The following BTAF1 variants were observed in gnomAD, a reference collection of about 807,000 sequenced individuals.
BTAF1 encodes the protein B-TFIID TATA-box binding protein associated factor 1, also known as TATA-binding protein-associated factor 172.
Under a neutral mutation model 227.1 loss-of-function variants are expected in BTAF1, and 38 were observed. The observed-to-expected ratio is 0.17, with a 90% CI of 0.13 to 0.22. BTAF1 has a LOEUF of 0.22. Ranked by LOEUF, BTAF1 falls within the 10% of genes least tolerant of loss-of-function variation. The probability of loss-of-function intolerance (pLI) is 1.00; values close to 1 mark genes in which losing one functional copy is unlikely to be tolerated. For synonymous variants in BTAF1, 742 were observed against 751.9 expected (o/e 0.99, Z 0.21); for missense variants, 1,598 against 2,204.0 (o/e 0.73, Z 5.51).
At chr10:91,969,040 A>AT (rs77465388) in intron 14 of BTAF1, among the ~76,000 whole-genome samples, 1,595 of 130,462 alleles carry the variant, frequency 0.012, 13 homozygotes, top group African/African-American at 0.029. Context: ...AAAAAAAAAA[A>AT]TTTTTTTTTT....
chr10:92,007,973 T>A, intron 25 of BTAF1, 150 bp from the exon 26 acceptor site: 1 of 677,840 alleles, frequency 1.5e-6, no homozygotes, highest in Non-Finnish European at 2.4e-6. Context: ...GCACCTTTAA[T>A]GCTTGTCAAT....
At chr10:92,013,251 A>T (rs1850493094) in intron 30 of BTAF1, among the ~76,000 whole-genome samples, 1 of 152,178 alleles carries the variant, frequency 6.6e-6, no homozygotes, top group African/African-American at 2.4e-5. Flanking sequence ...ATAAATACTG[A>T]GTGGGCTTGA....
chr10:92,025,619 C>G (rs550527972), intron 35 of BTAF1, among the ~76,000 whole-genome samples: 33 of 151,866 alleles, frequency 2.2e-4, no homozygotes, highest in African/African-American at 7.5e-4. Context: ...CCAGCCTGGC[C>G]AACATGGTGA....
intron 21 of BTAF1, among the ~76,000 whole-genome samples, chr10:91,992,551 G>A (rs1410330037): frequency 1.3e-5 from 2 of 152,282 alleles, no homozygotes; most frequent in South Asian, 4.1e-4. Flanking sequence ...AACTAATTCA[G>A]TCCTATAGCA....
At chr10:92,017,737 T>C (rs1385360182) in intron 33 of BTAF1, among the ~76,000 whole-genome samples, 1 of 152,078 alleles carries the variant, frequency 6.6e-6, no homozygotes, top group African/African-American at 2.4e-5. Flanking sequence ...TCTTGAACTT[T>C]TGGCCTCAAG....
Position 91,923,794 on chromosome 10 carries a change from C to T in BTAF1, c.-283C>T. ...CAGTTGTGCGTGCCGACGCCCGCGTCAGCAAAGAGCGGAGCTGAGGGTACC... is the reference window on the plus strand; with the variant it reads ...CAGTTGTGCGTGCCGACGCCCGCGTTAGCAAAGAGCGGAGCTGAGGGTACC... On this transcript the variant is annotated 5_prime_UTR_variant, in exon 1 of 38. Coordinates refer to ENST00000265990, the MANE Select transcript of BTAF1 (RefSeq NM_003972.3). 1 of 398,756 alleles carries T rather than the reference C, an allele frequency of 2.5e-6. No individual in the cohort carries two copies. Among genetic ancestry groups the T allele is most frequent in the Non-Finnish European group, 4.5e-6 (1 of 224,044 alleles). The allele number at this position is 398,756 out of a possible 1,614,324, so 24.7% of individuals were successfully genotyped here.
intron 37 of BTAF1, 136 bp from the exon 38 acceptor site, chr10:92,028,654 T>C: frequency 1.2e-6 from 1 of 816,256 alleles, no homozygotes; most frequent in Non-Finnish European, 1.9e-6. Flanking sequence ...TTGGAGATCA[T>C]GAATTTCCCC....
intron 25 of BTAF1, among the ~76,000 whole-genome samples, chr10:92,005,038 T>A (rs1275990413): frequency 6.6e-6 from 1 of 152,220 alleles, no homozygotes; most frequent in East Asian, 1.9e-4. Context: ...TGTCAAAGAT[T>A]AACTGTAAAT....
At chr10:92,024,442 T>C (rs1341136983) in intron 34 of BTAF1, among the ~76,000 whole-genome samples, 1 of 152,108 alleles carries the variant, frequency 6.6e-6, no homozygotes, top group Non-Finnish European at 1.5e-5. Flanking sequence ...CCTTGCACTT[T>C]GGGAGGCCGA....
chr10:91,948,174 A>G (rs1397310677), intron 4 of BTAF1, among the ~76,000 whole-genome samples: 1 of 131,320 alleles, frequency 7.6e-6, no homozygotes, highest in Non-Finnish European at 1.6e-5. Context: ...CCACCCCACG[A>G]CAGGCCCCGG....
intron 2 of BTAF1, among the ~76,000 whole-genome samples, chr10:91,935,992 A>G (rs559964418): frequency 3.9e-5 from 6 of 152,096 alleles, no homozygotes; most frequent in African/African-American, 1.4e-4. Context: ...CTGTGGCACA[A>G]ATTTGAATCT....
intron 24 of BTAF1, chr10:91,997,267 T>C (rs556305569): frequency 1.4e-6 from 1 of 731,424 alleles, no homozygotes; most frequent in South Asian, 1.6e-5. Flanking sequence ...TTACTTACAA[T>C]GTGACTTATT....
Position 92,013,750 on chromosome 10 carries a change from T to C in BTAF1, c.4395T>C (p.Tyr1465=). 1.9e-6 allele frequency: 3 copies of C among 1,614,098 alleles called. No homozygotes were observed. Among genetic ancestry groups the C allele is most frequent in the South Asian group, 1.1e-5 (1 of 91,086 alleles). The part of the protein sequence containing the change: ...LGTERQFAAR[Y]GKPILASRDA... ...CTGAACGCCAGTTTGCTGCTCGATA[T>C]GGTAAACCTATATTAGCAAGTAGGG... is the stretch of plus-strand genomic sequence containing the variant. The change falls in exon 31 of 38, where the codon TAT becomes TAC. Residue 1465 remains tyrosine, a synonymous_variant. Coordinates refer to ENST00000265990, the MANE Select transcript of BTAF1 (RefSeq NM_003972.3).
chr10:91,942,614 A>G (rs1845091407), intron 4 of BTAF1, 46 bp downstream of exon 4: 1 of 1,594,610 alleles, frequency 6.3e-7, no homozygotes, highest in Admixed American at 1.7e-5. Flanking sequence ...GTTTTTTCAG[A>G]CTAATTTGTC....
chr10:91,926,588 A>G (rs1589724512), intron 1 of BTAF1, among the ~76,000 whole-genome samples: 2 of 152,324 alleles, frequency 1.3e-5, no homozygotes, highest in Admixed American at 6.5e-5. Flanking sequence ...CTTTAGAGAG[A>G]CGCTTCCCTT....
At chr10:91,949,757 T>C in intron 4 of BTAF1, among the ~76,000 whole-genome samples, 1 of 152,196 alleles carries the variant, frequency 6.6e-6, no homozygotes, top group East Asian at 1.9e-4. Flanking sequence ...TCTGGCTCTC[T>C]TTCTTTTGGG....
In BTAF1 at chr10:92,008,923, G is replaced by A. The variant is rs1386225548; in HGVS notation, c.3908G>A (p.Cys1303Tyr). 6.2e-7 allele frequency: 1 copy of A among 1,613,748 alleles called. No individual in the cohort carries two copies. Among genetic ancestry groups the A allele is most frequent in the African/African-American group, 1.3e-5 (1 of 74,908 alleles). Residue 1303 changes from cysteine (C) to tyrosine (Y), a missense_variant, in exon 27 of 38, where the codon TGC (cysteine) becomes TAC (tyrosine). By Grantham distance (194) the Cys-to-Tyr change is radical. Around this residue, in one of 10 missense-constraint regions of BTAF1, gnomAD observed 184 missense variants for 341.1 expected, o/e 0.54. Transcript: ENST00000265990. ...TTAGGAAAAACTTTACAGTCCATCTGCATTCTAGCAGGAGATCATTGTCAT... is the reference window on the plus strand; with the variant it reads ...TTAGGAAAAACTTTACAGTCCATCTACATTCTAGCAGGAGATCATTGTCAT... Reference protein sequence around the residue: ...MGLGKTLQSICILAGDHCHRA... With the variant: ...MGLGKTLQSIYILAGDHCHRA...
intron 25 of BTAF1, among the ~76,000 whole-genome samples, chr10:91,999,692 G>C (rs926659674): frequency 1.3e-5 from 2 of 152,068 alleles, no homozygotes; most frequent in Non-Finnish European, 1.5e-5. Flanking sequence ...CACACCTGGC[G>C]AAGAATATAA....
chr10:91,991,789 GTGTGTGTGTATATATATATATA>G (rs759794402), intron 20 of BTAF1, among the ~76,000 whole-genome samples: 34,959 of 77,648 alleles, frequency 0.45, 5,266 homozygotes, highest in Non-Finnish European at 0.51. Context: ...GTGTGTGTGT[GTGTGTGTGTATATATATATATA>G]TATATATATA....
Sources: allele counts gnomAD v4.1 joint callset (sites outside exome capture counted in the v4.1 genomes callset), GRCh38; gene constraint gnomAD v4.1.1; regional missense constraint gnomAD v4.1.1; transcripts MANE v1.5; gene names NCBI Gene and HGNC (gene_info 2026-07-23, HGNC 2026-07-21).